Variants in JAK2 observed in about 807,000 individuals in gnomAD.
JAK2 encodes tyrosine-protein kinase JAK2.
In JAK2, 86 loss-of-function variants were observed where a neutral mutation model predicts 139.3. The observed-to-expected ratio is 0.62, with a 90% confidence interval of 0.52 to 0.74. The LOEUF is 0.74. Ranked by LOEUF, JAK2 falls within the 30% of genes least tolerant of loss-of-function variation. The pLI is 0.00. For missense variants in JAK2, 1,421 were observed against 1,360.3 expected, an observed-to-expected ratio of 1.04 and a Z score of -0.70; for synonymous variants, 490 against 437.7, an observed-to-expected ratio of 1.12 and a Z score of -1.49.
chr9:5,103,455 C>G (rs1021335484), intron 22 of JAK2, among the ~76,000 whole-genome samples: 3 of 151,886 alleles, frequency 2.0e-5, no homozygotes, highest in Non-Finnish European at 4.4e-5. Context: ...GACTTAGACT[C>G]CCACACAATA....
Position 5,126,355 on chromosome 9 carries a change from A to G in JAK2, c.3200A>G (p.Asn1067Ser), listed in dbSNP as rs1282036214. 5.0e-6 allele frequency: 8 copies of G among 1,608,260 alleles called. No homozygotes were observed. In the African/African-American group the frequency reaches 5.4e-5, roughly 11 times the overall value. Residue 1067 changes from asparagine (N) to serine (S), a missense_variant, in exon 24 of 25, where the codon AAT (asparagine) becomes AGT (serine). Coordinates refer to ENST00000381652, the MANE Select transcript of JAK2 (RefSeq NM_004972.4). The stretch of plus-strand genomic sequence containing the variant: ...TAGGAATTTATGCGTATGATTGGCA[A>G]TGACAAACAAGGACAGATGATCGTG... ...PPAEFMRMIGNDKQGQMIVFH... is the reference protein window; with the variant it reads ...PPAEFMRMIGSDKQGQMIVFH...
intron 2 of JAK2, among the ~76,000 whole-genome samples, chr9:4,999,460 A>G (rs1210766571): frequency 1.3e-5 from 2 of 152,240 alleles, no homozygotes; most frequent in East Asian, 3.8e-4. Flanking sequence ...GGGGCAAAAA[A>G]GATTACAAAT....
intron 12 of JAK2, among the ~76,000 whole-genome samples, chr9:5,070,466 A>T (rs892780259): frequency 6.6e-6 from 1 of 152,132 alleles, no homozygotes; most frequent in Non-Finnish European, 1.5e-5. Context: ...TGGATACCAA[A>T]ATCTGAGGAT....
rs1005105979 is a variant in JAK2 at position 4,986,013 on chromosome 9, T to C, written c.-35T>C. 1.3e-5 allele frequency: 2 copies of C among 152,684 alleles called. No homozygotes were observed. The highest frequency in any genetic ancestry group is 6.5e-5 in the Admixed American group (1 of 15,280). The allele number at this position is 152,684 out of a possible 1,614,324, so 9.5% of individuals were successfully genotyped here. ...CAGAAAAAGAGGCTCTTCCTCCTCC[T>C]CCCGCGACGGTGGGTGTGCTGTCCT... On this transcript the variant is annotated 5_prime_UTR_variant, in exon 2 of 25. Transcript: ENST00000381652.
chr9:5,124,120 G>C lies in JAK2; in HGVS notation c.3177+999G>C, dbSNP rs564376126. On this transcript the variant is annotated intron_variant, in intron 23 of 24. Coordinates refer to ENST00000381652, the MANE Select transcript of JAK2 (RefSeq NM_004972.4). ...AATTCTGGATGGTAGTTCCTTGTCA[G>C]ATACAAAGTTTGCAAATATTTTCTC... Among the ~76,000 whole-genome samples, 5 of 151,794 alleles carry C rather than the reference G, an allele frequency of 3.3e-5. No homozygotes were observed. The South Asian group carries it at 8.3e-4, about 25-fold the overall frequency.
chr9:5,064,683 G>A (rs1166552116), intron 8 of JAK2, among the ~76,000 whole-genome samples, 200 bp from the exon 9 acceptor site: 1 of 152,156 alleles, frequency 6.6e-6, no homozygotes, highest in Non-Finnish European at 1.5e-5. Flanking sequence ...ACTATAACTG[G>A]GAAGGTATGA....
chr9:5,006,188 TCTC>T (rs1466135359), intron 2 of JAK2, among the ~76,000 whole-genome samples: 1 of 152,152 alleles, frequency 6.6e-6, no homozygotes, highest in East Asian at 1.9e-4. Flanking sequence ...GGTTTGTAGT[TCTC>T]CTTGAAGAGG....
intron 20 of JAK2, 23 bp from the exon 21 acceptor site, chr9:5,090,420 CATT>C (rs749237598): frequency 8.8e-6 from 13 of 1,480,868 alleles, no homozygotes. Context: ...CAGAGTAAAA[CATT>C]ATTTCCACCT....
At chr9:5,099,166 G>C (rs1821266496) in intron 22 of JAK2, 2 of 152,154 alleles carry the variant, frequency 1.3e-5, no homozygotes, top group Non-Finnish European at 2.9e-5. Flanking sequence ...CCTCAAAACA[G>C]ATGCAATCCC....
At chr9:5,029,473 G>A (rs1377127367) in intron 3 of JAK2, among the ~76,000 whole-genome samples, 1 of 152,070 alleles carries the variant, frequency 6.6e-6, no homozygotes, top group Non-Finnish European at 1.5e-5. Context: ...ACGTGCTGTT[G>A]GAAAAATGGT....
intron 10 of JAK2, among the ~76,000 whole-genome samples, chr9:5,067,711 GTATTA>G (rs1229603817): frequency 1.3e-5 from 2 of 152,014 alleles, no homozygotes; most frequent in Admixed American, 1.3e-4. Flanking sequence ...TGAGAGCTAT[GTATTA>G]TAGAGTTTAT....
At chr9:5,122,600 C>T (rs1564026626) in intron 22 of JAK2, among the ~76,000 whole-genome samples, 1 of 151,998 alleles carries the variant, frequency 6.6e-6, no homozygotes, top group African/African-American at 2.4e-5. Context: ...CCCAGGTTGA[C>T]GATTTGCTAG....
chr9:5,053,066 C>T (rs907524807), intron 6 of JAK2, among the ~76,000 whole-genome samples: 6 of 152,004 alleles, frequency 3.9e-5, no homozygotes, highest in Admixed American at 3.9e-4. Context: ...TGAGGAACTG[C>T]TTAACTTTTC....
At chr9:5,126,503 AG>A (rs1824009080) in intron 24 of JAK2, 57 bp downstream of exon 24, 1 of 1,218,264 alleles carries the variant, frequency 8.2e-7, no homozygotes, top group African/African-American at 1.5e-5. Context: ...TTTTTACTCA[AG>A]GACTTCAGTT....
Position 5,090,739 on chromosome 9 carries a change from G to A in JAK2, c.2887G>A (p.Gly963Ser). 1 of 1,599,572 alleles carries A rather than the reference G, an allele frequency of 6.3e-7. No individual in the cohort carries two copies. Among genetic ancestry groups the A allele is most frequent in the Non-Finnish European group, 8.5e-7 (1 of 1,175,570 alleles). ...LLQYTSQICK[G>S]MEYLGTKRYI... ...TGAAAGAAAAATGTTTTATCCATAG[G>A]GTATGGAGTATCTTGGTACAAAAAG... Residue 963 changes from glycine to serine, a missense_variant and splice_region_variant, in exon 22 of 25, where the codon GGT (glycine) becomes AGT (serine). Coordinates refer to ENST00000381652, the MANE Select transcript of JAK2 (RefSeq NM_004972.4).
chr9:5,115,388 G>A lies in JAK2; in HGVS notation c.3060-7616G>A, dbSNP rs185947279. On this transcript the variant is annotated intron_variant, in intron 22 of 24. Coordinates refer to ENST00000381652, the MANE Select transcript of JAK2 (RefSeq NM_004972.4). ...ACCATCTCATGCCAGTTAGAATGGC[G>A]ATCATTAAAAAGTCAGGCAACAACA... 2.8e-3 allele frequency among the ~76,000 whole-genome samples: 426 copies of A among 152,228 alleles called. 4 individuals are homozygous for A. Among genetic ancestry groups the A allele is most frequent in the African/African-American group, 9.6e-3 (400 of 41,538 alleles).
chr9:5,067,981 G>A (rs1818683081), intron 10 of JAK2, among the ~76,000 whole-genome samples: 1 of 151,996 alleles, frequency 6.6e-6, no homozygotes. Flanking sequence ...GTGAAATGGT[G>A]AAACCCTGTC....
chr9:4,987,592 C>T (rs1169550630), intron 2 of JAK2, among the ~76,000 whole-genome samples: 1 of 150,930 alleles, frequency 6.6e-6, no homozygotes, highest in South Asian at 2.1e-4. Context: ...AAAAATTAGC[C>T]GGGCGTGGTG....
At chr9:5,101,253 C>A (rs2130746179) in intron 22 of JAK2, among the ~76,000 whole-genome samples, 1 of 152,356 alleles carries the variant, frequency 6.6e-6, no homozygotes, top group South Asian at 2.1e-4. Context: ...TTGGCAGGTC[C>A]CACACCCACG....
Sources: allele counts gnomAD v4.1 joint callset (sites outside exome capture counted in the v4.1 genomes callset), GRCh38; gene constraint gnomAD v4.1.1; transcripts MANE v1.5; gene names NCBI Gene and HGNC (gene_info 2026-07-23, HGNC 2026-07-21).